The following VWF variants were observed in gnomAD, a reference collection of about 807,000 sequenced individuals.
VWF encodes von Willebrand factor.
Under a neutral mutation model 308.6 loss-of-function variants are expected in VWF, and 176 were observed. The ratio of observed to expected loss-of-function variants is 0.57; its 90% CI spans 0.50 to 0.65. The LOEUF is 0.65. Ranked by LOEUF, VWF falls within the 30% of genes least tolerant of loss-of-function variation. The pLI, the probability that VWF is intolerant of heterozygous loss-of-function variation, is 0.00. For synonymous variants in VWF, 1,385 were observed against 1,443.4 expected, an observed-to-expected ratio of 0.96 and a Z score of 0.92; for missense variants, 3,146 against 3,648.2, an observed-to-expected ratio of 0.86 and a Z score of 3.55.
In VWF at chr12:6,075,464, G is replaced by C. The variant is rs1225502180; in HGVS notation, c.745C>G (p.Leu249Val). The part of the protein sequence containing the change: ...PLVDPEPFVA[L>V]CEKTLCECAG... ...CACTCACACAAAGTCTTCTCACACA[G>C]GGCCACAAAAGGCTCGGGGTCCACC... The change falls in exon 7 of 52, where the codon CTG becomes GTG. Residue 249 changes from leucine to valine, a missense_variant. By Grantham distance (32) the Leu-to-Val change is conservative. This residue lies in a region of VWF where 1,304 missense variants were observed against 1,353.0 expected (regional missense o/e 0.96). Coordinates refer to ENST00000261405, the MANE Select transcript of VWF (RefSeq NM_000552.5). The surrounding 1 kb of genome is among the most constrained non-coding windows in gnomAD (Gnocchi z 4.7). 3.7e-6 allele frequency: 6 copies of C among 1,614,206 alleles called. No homozygotes were observed. Among genetic ancestry groups the C allele is most frequent in the Non-Finnish European group, 4.2e-6 (5 of 1,180,052 alleles).
At chr12:6,099,338 A>T (rs923213459) in intron 5 of VWF, among the ~76,000 whole-genome samples, 2 of 149,300 alleles carry the variant, frequency 1.3e-5, no homozygotes, top group Non-Finnish European at 3.0e-5. Context: ...AAAAAAAAAA[A>T]AAACCAAGGA....
chr12:6,076,022 C>T (rs375727481), intron 6 of VWF, among the ~76,000 whole-genome samples: 6 of 152,160 alleles, frequency 3.9e-5, no homozygotes, highest in African/African-American at 1.4e-4. Flanking sequence ...TTCTGGGTCT[C>T]ACCCTAGGAG....
chr12:5,950,140 G>C (rs1943167293), intron 50 of VWF, among the ~76,000 whole-genome samples: 1 of 152,184 alleles, frequency 6.6e-6, no homozygotes, highest in Non-Finnish European at 1.5e-5. Flanking sequence ...AATTCACTGT[G>C]CTATGGTGAT....
intron 7 of VWF, among the ~76,000 whole-genome samples, chr12:6,074,235 C>A (rs1944814389): frequency 6.6e-6 from 1 of 152,040 alleles, no homozygotes; most frequent in Non-Finnish European, 1.5e-5. Flanking sequence ...TATTTATTTC[C>A]ACTCTGCCAC....
chr12:6,064,450 C>T, intron 11 of VWF, 66 bp from the exon 12 acceptor site: 2 of 1,602,054 alleles, frequency 1.2e-6, no homozygotes, highest in South Asian at 2.2e-5. Flanking sequence ...CAGCCCAGGA[C>T]CCTCTTAATC....
chr12:5,969,531 G>A (rs1471148509), intron 44 of VWF, 140 bp from the exon 45 acceptor site: 1 of 981,466 alleles, frequency 1.0e-6, no homozygotes, highest in Non-Finnish European at 1.5e-6. Flanking sequence ...ACAGGGTAGG[G>A]CCCACGGAGG....
chr12:5,994,429 G>A lies in VWF; in HGVS notation c.6242C>T (p.Thr2081Met), dbSNP rs368207430. 3.0e-5 allele frequency: 48 copies of A among 1,614,036 alleles called. No homozygotes were observed. The highest frequency in any genetic ancestry group is 1.6e-4 in the Middle Eastern group (1 of 6,084). The change falls in exon 36 of 52, where the codon ACG becomes ATG. Residue 2081 changes from threonine (T) to methionine (M), a missense_variant. By Grantham distance (81) the Thr-to-Met change is moderately conservative (BLOSUM62 -1). Around this residue, in one of 3 missense-constraint regions of VWF, gnomAD observed 989 missense variants for 1,117.4 expected, o/e 0.89. Coordinates refer to ENST00000261405, the MANE Select transcript of VWF (RefSeq NM_000552.5). ...QLSPKTFASK[T>M]YGLCGICDEN... ...AATGTTCTTACCACACAGACCATAC[G>A]TCTTTGAAGCAAAAGTCTTGGGGCT...
rs1268725034 is a variant in VWF at position 6,058,690 on chromosome 12, A to G, written c.1534-646T>C. On this transcript the variant is annotated intron_variant, in intron 13 of 51. Coordinates refer to ENST00000261405, the MANE Select transcript of VWF (RefSeq NM_000552.5). This position sits in a 1 kb window ranked among gnomAD's most constrained non-coding sequence, Gnocchi z 4.9. ...TCTGAGGGTGATGATGGATAGGAGT[A>G]GGAGTCTGCAGAGGCTCTGAGGCAG... 6.6e-6 allele frequency among the ~76,000 whole-genome samples: 1 copy of G among 152,220 alleles called. No homozygotes were observed. Among genetic ancestry groups the G allele is most frequent in the Non-Finnish European group, 1.5e-5 (1 of 68,036 alleles).
Position 6,110,552 on chromosome 12 carries a change from C to T in VWF, c.354G>A (p.Leu118=), listed in dbSNP as rs781203277. 3.7e-6 allele frequency: 6 copies of T among 1,614,080 alleles called. No individual in the cohort carries two copies. The African/African-American group carries it at 8.0e-5, about 22-fold the overall frequency. The change falls in exon 5 of 52, where the codon CTG becomes CTA. Residue 118 remains leucine (L), a synonymous_variant. Transcript: ENST00000261405. ...AGTACCCAGCCTCAGTTTCTAGATA[C>T]AGCCCTTTGGAGGCATAGGGCATGG... ...RVSMPYASKG[L]YLETEAGYYK... is the part of the protein sequence containing the mutation.
intron 18 of VWF, among the ~76,000 whole-genome samples, chr12:6,043,888 T>G (rs1944418066): frequency 6.6e-6 from 1 of 152,250 alleles, no homozygotes; most frequent in African/African-American, 2.4e-5. Flanking sequence ...GAAAATTATA[T>G]GCATATACGT....
At chr12:6,071,865 G>A (rs554969960) in intron 9 of VWF, among the ~76,000 whole-genome samples, 4 of 152,334 alleles carry the variant, frequency 2.6e-5, no homozygotes, top group African/African-American at 9.6e-5. Flanking sequence ...GGTGCTTCTT[G>A]AGATGACAGA....
intron 10 of VWF, among the ~76,000 whole-genome samples, chr12:6,066,188 CTG>C (rs1488736599): frequency 3.3e-5 from 5 of 152,166 alleles, no homozygotes; most frequent in Admixed American, 1.3e-4. Context: ...CACCTCCAAA[CTG>C]AGATCACACA....
chr12:6,077,255 A>G (rs1165896945), intron 6 of VWF, among the ~76,000 whole-genome samples: 1 of 152,192 alleles, frequency 6.6e-6, no homozygotes, highest in Non-Finnish European at 1.5e-5. Context: ...GTGGAGGTTA[A>G]AGTGAGCTGA....
chr12:6,068,835 CGTGTGTGTGT>C (rs34977515), intron 10 of VWF, among the ~76,000 whole-genome samples: 7 of 91,310 alleles, frequency 7.7e-5, no homozygotes, highest in African/African-American at 1.1e-4. Context: ...TTTTTTTTTG[CGTGTGTGTGT>C]GTGTGTGTGT....
At position 6,113,932 on chromosome 12, in the gene VWF, A is replaced by T. The variant is rs533428947; in HGVS notation, c.221-2964T>A. 2.0e-5 allele frequency among the ~76,000 whole-genome samples: 3 copies of T among 152,350 alleles called. No homozygotes were observed. In the East Asian group the frequency reaches 5.8e-4, roughly 29 times the overall value. On this transcript the variant is annotated intron_variant, in intron 3 of 51. Coordinates refer to ENST00000261405, the MANE Select transcript of VWF (RefSeq NM_000552.5). Reference sequence around the variant, plus strand: ...CCTCACTGGAGACCTGCCAGAGCAGAAGCCTCCACCTGCCAGATGGCAGAC... The same window carrying T: ...CCTCACTGGAGACCTGCCAGAGCAGTAGCCTCCACCTGCCAGATGGCAGAC...
chr12:6,092,618 AGTGTGTGTGTGTGTGTGTGTGTGTGTGT>A (rs752209524), intron 6 of VWF, among the ~76,000 whole-genome samples: 1 of 66,150 alleles, frequency 1.5e-5, no homozygotes, highest in African/African-American at 8.3e-5. Flanking sequence ...AGTGAGTGAG[AGTGTGTGTGTGTGTGTGTGTGTGTGTGT>A]GTGTGTGTGT....
At chr12:6,074,149 T>G (rs1365743764) in intron 7 of VWF, among the ~76,000 whole-genome samples, 5 of 151,976 alleles carry the variant, frequency 3.3e-5, no homozygotes, top group Admixed American at 3.3e-4. Context: ...CTCCTCCTTT[T>G]CCCCATGAAA....
At chr12:5,953,830 G>A in intron 47 of VWF, 1 of 532,010 alleles carries the variant, frequency 1.9e-6, no homozygotes, top group Non-Finnish European at 3.4e-6. Context: ...TATTAAATGA[G>A]ACCTTTTCCC....
At position 5,981,781 on chromosome 12, in the gene VWF, C is replaced by T; in HGVS notation, c.7287+5G>A. On this transcript the variant is annotated splice_donor_5th_base_variant and intron_variant, in intron 42 of 51. Transcript: ENST00000261405. ...ACTGATAGTTAATAGCCAAGCAGTC[C>T]TTACCTTGTCGGGAAGGCAGGTGGT... 6.2e-7 allele frequency: 1 copy of T among 1,613,982 alleles called. No homozygotes were observed. The highest frequency in any genetic ancestry group is 8.5e-7 in the Non-Finnish European group (1 of 1,179,984).
Sources: allele counts gnomAD v4.1 joint callset (sites outside exome capture counted in the v4.1 genomes callset), GRCh38; gene constraint gnomAD v4.1.1; regional missense constraint gnomAD v4.1.1; non-coding constraint Gnocchi (gnomAD v3.1); transcripts MANE v1.5; gene names NCBI Gene and HGNC (gene_info 2026-07-23, HGNC 2026-07-21).